CFI: variants seen among roughly 807,000 people sequenced by gnomAD.
The protein encoded by CFI is complement factor I, also known as C3B/C4B inactivator.
In CFI, 66 loss-of-function variants were observed where a neutral mutation model predicts 78.8. That is an observed-to-expected ratio of 0.84 (90% confidence interval 0.69 to 1.03). The LOEUF is 1.03. Ranked by LOEUF, CFI falls within the 50% of genes least tolerant of loss-of-function variation. The pLI is 0.00. For synonymous variants in CFI, 250 were observed against 232.6 expected, an observed-to-expected ratio of 1.07 and a Z score of -0.68; for missense variants, 706 against 704.5, an observed-to-expected ratio of 1.00 and a Z score of -0.02.
the CFI span, among the ~76,000 whole-genome samples, chr4:109,734,300 G>A: frequency 6.6e-6 from 1 of 151,816 alleles, no homozygotes; most frequent in African/African-American, 2.4e-5. Flanking sequence ...TTAAGAAGGA[G>A]CAGCCAAGTG....
chr4:109,799,383 A>C (rs1430044533), intron 1 of CFI, among the ~76,000 whole-genome samples: 1 of 152,214 alleles, frequency 6.6e-6, no homozygotes, highest in South Asian at 2.1e-4. Context: ...AAAGACAAAC[A>C]CATTATTTTT....
At chr4:109,796,710 G>T (rs1732103662) in intron 1 of CFI, among the ~76,000 whole-genome samples, 2 of 152,174 alleles carry the variant, frequency 1.3e-5, no homozygotes, top group Non-Finnish European at 2.9e-5. Flanking sequence ...GGGTAGGAGG[G>T]TAGCTTGAGC....
At chr4:109,753,083 ATATT>A (rs1423100946) in intron 7 of CFI, among the ~76,000 whole-genome samples, 2 of 111,006 alleles carry the variant, frequency 1.8e-5, no homozygotes, top group African/African-American at 7.5e-5. Flanking sequence ...TTTATAATAT[ATATT>A]TATTATATAA....
intron 1 of CFI, among the ~76,000 whole-genome samples, chr4:109,784,547 G>T (rs1361679688): frequency 1.3e-5 from 2 of 151,980 alleles, no homozygotes; most frequent in Non-Finnish European, 2.9e-5. Context: ...ATGAATCCTG[G>T]ATTAAAAACA....
Position 109,749,336 on chromosome 4 carries a change from T to G in CFI, c.1045-15A>C. The G allele has an allele frequency of 6.2e-7, 1 of 1,607,294 alleles. No individual in the cohort carries two copies. Among genetic ancestry groups the G allele is most frequent in the Non-Finnish European group, 8.5e-7 (1 of 1,173,740 alleles). On this transcript the variant is annotated splice_polypyrimidine_tract_variant and intron_variant, in intron 9 of 12. Coordinates refer to ENST00000394634, the MANE Select transcript of CFI (RefSeq NM_000204.5). ...GGGAGGTCTCCCTGTAAAAGACATT[T>G]GTGTGGTCACTGCCATTCTAACAGA... is the stretch of plus-strand genomic sequence containing the variant.
At chr4:109,731,410 G>A in the CFI span, among the ~76,000 whole-genome samples, 1 of 152,080 alleles carries the variant, frequency 6.6e-6, no homozygotes, top group African/African-American at 2.4e-5. Flanking sequence ...TTACCAATAA[G>A]TTCTAGGTTT....
Position 109,760,593 on chromosome 4 carries a change from G to A in CFI, c.702C>T (p.Tyr234=), listed in dbSNP as rs1165961822. Residue 234 remains tyrosine, a synonymous_variant, in exon 5 of 13, where the codon TAC becomes TAT. Transcript: ENST00000394634. The stretch of plus-strand genomic sequence containing the variant: ...CATCACAGGCTTTCATCTGAGAAAT[G>A]TATTTCCCATTCACACACTGAAAGA... ...DDFFQCVNGK[Y]ISQMKACDGI... 1 of 1,609,318 alleles carries A rather than the reference G, an allele frequency of 6.2e-7. No homozygotes were observed.
intron 11 of CFI, among the ~76,000 whole-genome samples, chr4:109,743,108 A>T (rs1217793476): frequency 6.6e-6 from 1 of 152,194 alleles, no homozygotes; most frequent in East Asian, 1.9e-4. Context: ...GTTATTTAAA[A>T]GGGGATTTAA....
At chr4:109,735,136 A>G in the CFI span, among the ~76,000 whole-genome samples, 3 of 152,134 alleles carry the variant, frequency 2.0e-5, no homozygotes, top group African/African-American at 4.8e-5. Context: ...TATTGTTATT[A>G]TAGAGATGGG....
At chr4:109,751,711 G>T (rs1725161911) in intron 8 of CFI, among the ~76,000 whole-genome samples, 1 of 152,152 alleles carries the variant, frequency 6.6e-6, no homozygotes, top group African/African-American at 2.4e-5. Flanking sequence ...AAAGTGCTGG[G>T]ATTACAGGCC....
chr4:109,780,539 A>G (rs1729874993), intron 1 of CFI, among the ~76,000 whole-genome samples: 1 of 152,200 alleles, frequency 6.6e-6, no homozygotes, highest in African/African-American at 2.4e-5. Context: ...ACGCTTTTAC[A>G]TTGTTGGTGG....
rs111850490 is a variant in CFI at position 109,769,125 on chromosome 4, T to C, written c.58-2301A>G. ...TATCACCTTTATATTGAAACAATGA[T>C]GCTCTCATTGGATGAGAAATCCAAG... On this transcript the variant is annotated intron_variant, in intron 1 of 12. Coordinates refer to ENST00000394634, the MANE Select transcript of CFI (RefSeq NM_000204.5). 2.2e-3 allele frequency among the ~76,000 whole-genome samples: 338 copies of C among 152,382 alleles called. 1 individual carries two copies. Among genetic ancestry groups the C allele is most frequent in the African/African-American group, 7.5e-3 (311 of 41,592 alleles).
chr4:109,792,930 T>G (rs775853031), intron 1 of CFI, among the ~76,000 whole-genome samples: 1 of 152,194 alleles, frequency 6.6e-6, no homozygotes, highest in African/African-American at 2.4e-5. Flanking sequence ...CTCTGCCTTT[T>G]GATATTAGAA....
chr4:109,781,992 C>A (rs1489852083), intron 1 of CFI, among the ~76,000 whole-genome samples: 2 of 151,960 alleles, frequency 1.3e-5, no homozygotes, highest in African/African-American at 4.8e-5. Flanking sequence ...GCAAAATCGG[C>A]ATACAAGGGG....
intron 1 of CFI, among the ~76,000 whole-genome samples, chr4:109,799,437 C>A (rs1732478978): frequency 6.6e-6 from 1 of 152,168 alleles, no homozygotes; most frequent in African/African-American, 2.4e-5. Context: ...GGAACCGGGT[C>A]CCTCCCTGAG....
chr4:109,762,609 A>T (rs1298196872), intron 3 of CFI: 4 of 152,222 alleles, frequency 2.6e-5, no homozygotes, highest in Non-Finnish European at 4.4e-5. Flanking sequence ...AAAATAGAAC[A>T]GTAATGACAA....
intron 1 of CFI, among the ~76,000 whole-genome samples, chr4:109,791,327 AGAT>A (rs1290732179): frequency 1.3e-5 from 2 of 151,962 alleles, no homozygotes; most frequent in Admixed American, 6.6e-5. Flanking sequence ...AGTTCCTTAT[AGAT>A]ACTAGATATT....
At chr4:109,792,585 AC>A (rs879512136) in intron 1 of CFI, among the ~76,000 whole-genome samples, 15 of 145,574 alleles carry the variant, frequency 1.0e-4, no homozygotes, top group South Asian at 2.2e-4. Flanking sequence ...AAACAAACCC[AC>A]CCCCCCCAAA....
At chr4:109,773,946 A>G (rs1373458520) in intron 1 of CFI, among the ~76,000 whole-genome samples, 2 of 152,250 alleles carry the variant, frequency 1.3e-5, no homozygotes, top group East Asian at 3.8e-4. Context: ...ACTGAAAACC[A>G]CTATTGTAGC....
Sources: allele counts gnomAD v4.1 joint callset (sites outside exome capture counted in the v4.1 genomes callset), GRCh38; gene constraint gnomAD v4.1.1; transcripts MANE v1.5; gene names NCBI Gene and HGNC (gene_info 2026-07-23, HGNC 2026-07-21).